Variants in FRK observed in about 807,000 individuals in gnomAD.
FRK encodes tyrosine-protein kinase FRK.
Under a neutral mutation model 56.4 loss-of-function variants are expected in FRK, and 51 were observed. That is an observed-to-expected ratio of 0.90 (90% confidence interval 0.72 to 1.14). The LOEUF (loss-of-function observed/expected upper bound fraction) is 1.14. Among genes scored for constraint, FRK ranks in the 50% most tolerant of loss-of-function variants. The pLI, the probability that FRK is intolerant of heterozygous loss-of-function variation, is 0.00. For missense variants in FRK, 570 were observed against 601.4 expected, an observed-to-expected ratio of 0.95 and a Z score of 0.55; for synonymous variants, 245 against 217.9, an observed-to-expected ratio of 1.12 and a Z score of -1.10.
chr6:116,054,270 G>A (rs1238423220), intron 1 of FRK, among the ~76,000 whole-genome samples: 1 of 149,690 alleles, frequency 6.7e-6, no homozygotes, highest in Admixed American at 6.7e-5. Flanking sequence ...TAAAGGATGG[G>A]GACAGTAACG....
At chr6:116,095,790 T>G in the FRK span, among the ~76,000 whole-genome samples, 2 of 152,234 alleles carry the variant, frequency 1.3e-5, no homozygotes, top group African/African-American at 4.8e-5. Flanking sequence ...TCTCCAAAAC[T>G]GCCAAGGCCT....
At chr6:116,048,355 A>G (rs1396959657) in intron 1 of FRK, among the ~76,000 whole-genome samples, 1 of 152,014 alleles carries the variant, frequency 6.6e-6, no homozygotes, top group African/African-American at 2.4e-5. Context: ...TGACACATGT[A>G]TTTATCTTAA....
chr6:116,005,939 A>G (rs12202181), intron 1 of FRK, among the ~76,000 whole-genome samples: 58,984 of 152,000 alleles, frequency 0.39, 11,824 homozygotes, highest in Middle Eastern at 0.5. Context: ...AAAACTTCCT[A>G]AGGACATTGG....
At chr6:116,099,030 T>C in the FRK span, among the ~76,000 whole-genome samples, 1 of 152,176 alleles carries the variant, frequency 6.6e-6, no homozygotes, top group East Asian at 1.9e-4. Context: ...ATGCAGAATA[T>C]ATATAATTTG....
intron 2 of FRK, 78 bp downstream of exon 2, chr6:116,003,799 C>A: frequency 4.0e-6 from 6 of 1,497,330 alleles, no homozygotes; most frequent in Non-Finnish European, 5.4e-6. Context: ...TTTAAATGAT[C>A]GTGTCCATGT....
chr6:116,067,136 A>G, the FRK span, among the ~76,000 whole-genome samples: 2 of 152,156 alleles, frequency 1.3e-5, no homozygotes, highest in African/African-American at 4.8e-5. Context: ...GCAAAGATAC[A>G]CAGAGAGAAG....
chr6:115,995,153 T>TC (rs1774788845), intron 2 of FRK, among the ~76,000 whole-genome samples: 2 of 152,186 alleles, frequency 1.3e-5, no homozygotes, highest in Admixed American at 1.3e-4. Context: ...TCTACCCAGA[T>TC]TCTAAGAAAT....
At chr6:115,978,405 GATGAC>G (rs1289049038) in intron 2 of FRK, among the ~76,000 whole-genome samples, 1 of 152,084 alleles carries the variant, frequency 6.6e-6, no homozygotes, top group East Asian at 1.9e-4. Context: ...AGAAAAGGAC[GATGAC>G]TCCAGGAACT....
intron 5 of FRK, among the ~76,000 whole-genome samples, chr6:115,956,133 A>G (rs1195771592): frequency 6.6e-6 from 1 of 152,224 alleles, no homozygotes; most frequent in Non-Finnish European, 1.5e-5. Flanking sequence ...ATAATGTTCA[A>G]TTAGTGTAGG....
At chr6:116,011,672 G>T (rs910364810) in intron 1 of FRK, among the ~76,000 whole-genome samples, 1 of 152,128 alleles carries the variant, frequency 6.6e-6, no homozygotes, top group Non-Finnish European at 1.5e-5. Flanking sequence ...GACTTGGCAG[G>T]CATCGCTGTC....
chr6:116,013,317 T>G (rs1372647465), intron 1 of FRK, among the ~76,000 whole-genome samples: 1 of 152,190 alleles, frequency 6.6e-6, no homozygotes, highest in Non-Finnish European at 1.5e-5. Context: ...GGGCACTTTT[T>G]TTGTTTCAAA....
chr6:115,945,770 T>C (rs1772418639), intron 5 of FRK, among the ~76,000 whole-genome samples: 1 of 152,162 alleles, frequency 6.6e-6, no homozygotes, highest in Non-Finnish European at 1.5e-5. Flanking sequence ...TGCCTTAGTC[T>C]GTTATTCTTA....
chr6:115,993,232 G>T (rs1196872972), intron 2 of FRK, among the ~76,000 whole-genome samples: 1 of 151,794 alleles, frequency 6.6e-6, no homozygotes, highest in Non-Finnish European at 1.5e-5. Flanking sequence ...TTAGGTGGAA[G>T]TATGCAGTTA....
the FRK span, among the ~76,000 whole-genome samples, chr6:116,069,194 A>C: frequency 3.3e-4 from 50 of 152,178 alleles, 1 homozygote; most frequent in Non-Finnish European, 2.6e-4. Context: ...AAATTTCCCC[A>C]AAATAACAGA....
At chr6:115,961,757 A>G (rs1337515543) in intron 4 of FRK, among the ~76,000 whole-genome samples, 1 of 35,138 alleles carries the variant, frequency 2.8e-5, no homozygotes, top group Non-Finnish European at 5.1e-5. Flanking sequence ...TCTTAAAGAA[A>G]AGAATTTTCA....
chr6:115,971,690 T>C (rs533391581), intron 2 of FRK, among the ~76,000 whole-genome samples: 2 of 152,286 alleles, frequency 1.3e-5, no homozygotes, highest in African/African-American at 4.8e-5. Flanking sequence ...AGTGTCTCAA[T>C]TCAAGCCTAG....
At position 115,935,349 on chromosome 6, in the gene FRK, T is replaced by C. The variant is rs547006; in HGVS notation, c.*7065A>G. The C allele has an allele frequency of 0.97, 147,715 of 152,610 alleles. 71,680 individuals are homozygous for C. The highest frequency in any genetic ancestry group is 1 in the South Asian group (4,835 of 4,836). 9.5% of individuals were successfully genotyped at this position (152,610 alleles called of 1,614,324 possible). A position where few individuals can be genotyped will look rare whatever the true frequency, so the allele number is the denominator to read the frequency against. On this transcript the variant is annotated 3_prime_UTR_variant, in exon 8 of 8. Coordinates refer to ENST00000606080, the MANE Select transcript of FRK (RefSeq NM_002031.3). ...CACTTTTCCCATGGTCTTTGAAACC[T>C]GCAGACCAGGAGATTCCCTCCGGTG...
chr6:116,096,895 G>A, the FRK span, among the ~76,000 whole-genome samples: 5 of 152,116 alleles, frequency 3.3e-5, no homozygotes, highest in South Asian at 4.2e-4. Flanking sequence ...AAAGGTCCAC[G>A]GCTTCATTCT....
At chr6:116,097,010 C>T in the FRK span, among the ~76,000 whole-genome samples, 1 of 152,118 alleles carries the variant, frequency 6.6e-6, no homozygotes, top group Non-Finnish European at 1.5e-5. Context: ...TAAATTCACA[C>T]ACCAAAAAAC....
Sources: allele counts gnomAD v4.1 joint callset (sites outside exome capture counted in the v4.1 genomes callset), GRCh38; gene constraint gnomAD v4.1.1; transcripts MANE v1.5; gene names NCBI Gene and HGNC (gene_info 2026-07-23, HGNC 2026-07-21).